The following EXOC6B variants were observed in gnomAD, a reference collection of about 807,000 sequenced individuals.
The protein encoded by EXOC6B is SEC15 homolog B.
A neutral mutation model predicts 113.5 loss-of-function variants in EXOC6B; 54 were observed. The ratio of observed to expected loss-of-function variants is 0.48; its 90% CI spans 0.38 to 0.60. The LOEUF (loss-of-function observed/expected upper bound fraction) is 0.60. Among genes scored for constraint, EXOC6B ranks in the 20% least tolerant of loss-of-function variants. The pLI, the probability that EXOC6B is intolerant of heterozygous loss-of-function variation, is 0.00. For missense variants in EXOC6B, 797 were observed against 977.5 expected (o/e 0.82, Z 2.46); for synonymous variants, 357 against 339.0 (o/e 1.05, Z -0.58).
chr2:72,606,008 A>T (rs1670730855), intron 6 of EXOC6B, among the ~76,000 whole-genome samples: 1 of 152,150 alleles, frequency 6.6e-6, no homozygotes, highest in South Asian at 2.1e-4. Context: ...AAAACCAAAA[A>T]TACAAAGCTA....
intron 6 of EXOC6B, among the ~76,000 whole-genome samples, chr2:72,607,056 A>G (rs1203207406): frequency 6.6e-6 from 1 of 152,216 alleles, no homozygotes; most frequent in African/African-American, 2.4e-5. Flanking sequence ...TATTTTAAAC[A>G]TATTGCCATT....
intron 6 of EXOC6B, among the ~76,000 whole-genome samples, chr2:72,585,449 C>G (rs367727189): frequency 8.6e-5 from 13 of 151,818 alleles, no homozygotes; most frequent in African/African-American, 2.4e-4. Context: ...AATACAAAAT[C>G]TGCCAGGCAT....
At chr2:72,748,811 C>T (rs1185536085) in intron 1 of EXOC6B, among the ~76,000 whole-genome samples, 1 of 151,942 alleles carries the variant, frequency 6.6e-6, no homozygotes, top group Non-Finnish European at 1.5e-5. Flanking sequence ...CCTACTAAAA[C>T]CTGGTTTTGG....
chr2:72,819,244 A>C (rs1463943758), intron 1 of EXOC6B, among the ~76,000 whole-genome samples: 1 of 152,236 alleles, frequency 6.6e-6, no homozygotes, highest in Non-Finnish European at 1.5e-5. Flanking sequence ...AATAACATGC[A>C]TATAAAAAAG....
chr2:72,731,764 C>A (rs1680657599), intron 3 of EXOC6B, among the ~76,000 whole-genome samples: 1 of 152,090 alleles, frequency 6.6e-6, no homozygotes, highest in Non-Finnish European at 1.5e-5. Flanking sequence ...TATACCCATA[C>A]CTAAAAATGT....
chr2:72,726,695 G>A lies in EXOC6B; in HGVS notation c.464+4312C>T, dbSNP rs188538369. Among the ~76,000 whole-genome samples the A allele has an allele frequency of 2.0e-5, 3 of 152,130 alleles. No individual in the cohort carries two copies. In the East Asian group the frequency reaches 5.8e-4, roughly 29 times the overall value. On this transcript the variant is annotated intron_variant, in intron 5 of 21. Coordinates refer to ENST00000272427, the MANE Select transcript of EXOC6B (RefSeq NM_015189.3). Reference sequence around the variant, plus strand: ...CATAACAACAATGACATAAGGGAGGGTAAAATGGAAGAATATCATTATAAG... The same window carrying A: ...CATAACAACAATGACATAAGGGAGGATAAAATGGAAGAATATCATTATAAG...
intron 20 of EXOC6B, among the ~76,000 whole-genome samples, chr2:72,327,238 A>C (rs1021791852): frequency 6.6e-6 from 1 of 152,038 alleles, no homozygotes; most frequent in Non-Finnish European, 1.5e-5. Context: ...TGGGGCTTAC[A>C]TTGCTACTAA....
chr2:72,825,671 A>G lies in EXOC6B; in HGVS notation c.113+127T>C. ...CGAAGGGAGACCCGCCTCGCCCGGT[A>G]TGCAGGGTCTCTCCGAAGGGAGGGG... On this transcript the variant is annotated intron_variant, in intron 1 of 21. Transcript: ENST00000272427. The surrounding 1 kb of genome is among the most constrained non-coding windows in gnomAD (Gnocchi z 4.4). 8.5e-7 allele frequency: 1 copy of G among 1,176,530 alleles called. No individual in the cohort carries two copies. The highest frequency in any genetic ancestry group is 1.1e-6 in the Non-Finnish European group (1 of 884,998). The allele number at this position is 1,176,530 out of a possible 1,614,324, so 72.9% of individuals were successfully genotyped here.
chr2:72,802,812 A>T (rs1007286253), intron 1 of EXOC6B, among the ~76,000 whole-genome samples: 5 of 152,332 alleles, frequency 3.3e-5, no homozygotes, highest in Non-Finnish European at 7.3e-5. Context: ...AAAGTGTGGT[A>T]CCTGAACCAG....
chr2:72,318,351 G>A (rs980171502), intron 20 of EXOC6B, among the ~76,000 whole-genome samples: 10 of 151,770 alleles, frequency 6.6e-5, no homozygotes, highest in Admixed American at 6.6e-4. Flanking sequence ...GTGCTTTCAC[G>A]CTACTCATTT....
intron 18 of EXOC6B, among the ~76,000 whole-genome samples, chr2:72,443,003 A>T (rs1002411857): frequency 6.6e-6 from 1 of 152,058 alleles, no homozygotes; most frequent in African/African-American, 2.4e-5. Context: ...CACGGCTACA[A>T]TAACCAAAAC....
chr2:72,331,797 T>G (rs1688429451), intron 20 of EXOC6B, among the ~76,000 whole-genome samples: 1 of 152,156 alleles, frequency 6.6e-6, no homozygotes, highest in Non-Finnish European at 1.5e-5. Flanking sequence ...TCTTGAAAGC[T>G]TGTATATTCA....
At chr2:72,597,722 G>A (rs1241142604) in intron 6 of EXOC6B, among the ~76,000 whole-genome samples, 1 of 151,726 alleles carries the variant, frequency 6.6e-6, no homozygotes, top group African/African-American at 2.4e-5. Flanking sequence ...ACCACAGATA[G>A]ATTAAAAATA....
intron 19 of EXOC6B, among the ~76,000 whole-genome samples, chr2:72,364,187 GA>G (rs1001311872): frequency 1.3e-4 from 19 of 151,832 alleles, no homozygotes; most frequent in African/African-American, 4.4e-4. Flanking sequence ...ATTTCTTTAA[GA>G]TTTTTTTATA....
chr2:72,586,347 G>A (rs903115237), intron 6 of EXOC6B, among the ~76,000 whole-genome samples: 1 of 152,096 alleles, frequency 6.6e-6, no homozygotes, highest in Non-Finnish European at 1.5e-5. Context: ...TGCAAACTAT[G>A]CATCTGATAT....
In EXOC6B at chr2:72,331,888, C is replaced by T. The variant is rs1030683639; in HGVS notation, c.2196+3059G>A. ...AAAAAGGATGAATAGTTTTGCTATC[C>T]GCATCTAATTTGCTTCCTAATGAAA... On this transcript the variant is annotated intron_variant, in intron 20 of 21. Transcript: ENST00000272427. 3.9e-5 allele frequency among the ~76,000 whole-genome samples: 6 copies of T among 151,992 alleles called. 1 individual carries two copies. In the South Asian group the frequency reaches 6.2e-4, roughly 16 times the overall value.
At chr2:72,677,718 G>C (rs1573607737) in intron 6 of EXOC6B, among the ~76,000 whole-genome samples, 1 of 152,176 alleles carries the variant, frequency 6.6e-6, no homozygotes, top group Admixed American at 6.5e-5. Context: ...CATCAACAAA[G>C]TTTAATTCTG....
chr2:72,355,221 T>C (rs566680492), intron 19 of EXOC6B, among the ~76,000 whole-genome samples: 53 of 152,180 alleles, frequency 3.5e-4, no homozygotes, highest in Non-Finnish European at 5.9e-4. Flanking sequence ...TATATACACA[T>C]ACTCATATAT....
intron 6 of EXOC6B, among the ~76,000 whole-genome samples, chr2:72,634,060 C>G (rs1390300800): frequency 6.6e-6 from 1 of 151,480 alleles, no homozygotes; most frequent in African/African-American, 2.4e-5. Context: ...CGTGAAGGTC[C>G]AAAGACAGGC....
Sources: gnomAD v4.1 joint callset for allele counts (sites outside exome capture counted in the v4.1 genomes callset) on GRCh38, gnomAD v4.1.1 for gene constraint, Gnocchi (gnomAD v3.1) non-coding constraint, MANE v1.5 for transcripts, NCBI Gene and HGNC (gene_info 2026-07-23, HGNC 2026-07-21) for gene names.